The following CDK12 variants were observed in gnomAD, a reference collection of about 807,000 sequenced individuals.
The protein encoded by CDK12 is cyclin dependent kinase 12, also known as cyclin-dependent kinase 12.
Under a neutral mutation model 133.8 loss-of-function variants are expected in CDK12, and 17 were observed. The ratio of observed to expected loss-of-function variants is 0.13; its 90% CI spans 0.09 to 0.19. The LOEUF is 0.19. Ranked by LOEUF, CDK12 falls within the 10% of genes least tolerant of loss-of-function variation. CDK12 has a pLI of 1.00. For synonymous variants in CDK12, 694 were observed against 683.6 expected (o/e 1.02, Z -0.24); for missense variants, 1,508 against 1,818.7 (o/e 0.83, Z 3.11).
intron 2 of CDK12, among the ~76,000 whole-genome samples, chr17:39,480,973 G>T (rs1413197335): frequency 6.6e-6 from 1 of 152,110 alleles, no homozygotes; most frequent in African/African-American, 2.4e-5. Context: ...CAGTTAACCA[G>T]CCGGGAGTGG....
chr17:39,521,460 A>G (rs1242838729), intron 11 of CDK12, among the ~76,000 whole-genome samples: 2 of 151,894 alleles, frequency 1.3e-5, no homozygotes, highest in African/African-American at 4.8e-5. Context: ...ACAGGGTTTC[A>G]TCACGTTGGC....
intron 5 of CDK12, among the ~76,000 whole-genome samples, chr17:39,500,364 G>C (rs941863712): frequency 6.6e-5 from 10 of 152,066 alleles, no homozygotes; most frequent in Non-Finnish European, 1.0e-4. Flanking sequence ...TGGGCGCGGT[G>C]GCTGACGCCT....
intron 2 of CDK12, among the ~76,000 whole-genome samples, chr17:39,473,700 T>TA (rs2049972675): frequency 6.6e-6 from 1 of 152,000 alleles, no homozygotes; most frequent in Admixed American, 6.6e-5. Flanking sequence ...ACCAGCCTGA[T>TA]ATGGTGAAAC....
chr17:39,543,172 C>T (rs1034326215), upstream of CDK12, among the ~76,000 whole-genome samples: 8 of 152,200 alleles, frequency 5.3e-5, no homozygotes, highest in African/African-American at 1.9e-4. Flanking sequence ...TCTGAGATTA[C>T]AGGAAAATGG....
At chr17:39,481,028 C>T (rs8064766) in intron 2 of CDK12, among the ~76,000 whole-genome samples, 16 of 151,968 alleles carry the variant, frequency 1.1e-4, no homozygotes, top group Non-Finnish European at 2.2e-4. Context: ...CCGAGGCCGG[C>T]GGATCACCTG....
At chr17:39,498,277 T>C (rs2052297650) in intron 5 of CDK12, among the ~76,000 whole-genome samples, 1 of 151,972 alleles carries the variant, frequency 6.6e-6, no homozygotes, top group Non-Finnish European at 1.5e-5. Flanking sequence ...CAGGCTGGAG[T>C]GCAGTGGTGT....
intron 13 of CDK12, chr17:39,530,027 G>C (rs1028336768): frequency 6.6e-6 from 1 of 152,140 alleles, no homozygotes; most frequent in African/African-American, 2.4e-5. Flanking sequence ...ACTAAAGTTT[G>C]GAGAAGCAAG....
chr17:39,462,914 G>A lies in CDK12; in HGVS notation c.843G>A (p.Glu281=). 6.2e-7 allele frequency: 1 copy of A among 1,614,176 alleles called. No individual in the cohort carries two copies. ...RRQSVSPPYK[E]PSAYQSSTRS... is the part of the protein sequence containing the mutation. ...AGTCGGTCAGTCCCCCTTACAAGGA[G>A]CCTTCGGCCTACCAGTCCAGCACCC... Residue 281 remains glutamate (E), a synonymous_variant, in exon 1 of 14, where the codon GAG becomes GAA. Transcript: ENST00000447079.
chr17:39,481,265 G>GA (rs71147344), intron 2 of CDK12, among the ~76,000 whole-genome samples: 4 of 129,816 alleles, frequency 3.1e-5, no homozygotes, highest in African/African-American at 5.9e-5. Flanking sequence ...AAAAAAAAAA[G>GA]AAAAAAAAAA....
At chr17:39,502,547 A>G (rs554077317) in intron 6 of CDK12, among the ~76,000 whole-genome samples, 3 of 152,334 alleles carry the variant, frequency 2.0e-5, no homozygotes, top group African/African-American at 2.4e-5. Flanking sequence ...CCAATCTTGC[A>G]TGGTTACCTG....
intron 2 of CDK12, among the ~76,000 whole-genome samples, chr17:39,479,209 G>T (rs1248367090): frequency 2.0e-5 from 3 of 150,606 alleles, no homozygotes; most frequent in Non-Finnish European, 4.4e-5. Context: ...TCGGGAGGCT[G>T]AGGCAGGAGA....
At chr17:39,567,210 G>A (rs2056600225), downstream of CDK12, 1 of 152,146 alleles carries the variant, frequency 6.6e-6, no homozygotes, top group African/African-American at 2.4e-5. Flanking sequence ...CTCCTCCTTT[G>A]ATTCTCTGAT....
At chr17:39,519,298 CTTTTTTTTTT>C (rs386386050) in intron 10 of CDK12, among the ~76,000 whole-genome samples, 3 of 53,976 alleles carry the variant, frequency 5.6e-5, no homozygotes, top group Admixed American at 5.8e-4. Flanking sequence ...AATTCAAAGA[CTTTTTTTTTT>C]TTTTTTTTTT....
chr17:39,470,170 C>T (rs1164322261), intron 1 of CDK12, among the ~76,000 whole-genome samples: 4 of 145,432 alleles, frequency 2.8e-5, no homozygotes, highest in East Asian at 2.1e-4. Flanking sequence ...CTCACTCTGT[C>T]GCCCAGGCTG....
chr17:39,481,563 G>A (rs2050649676), intron 2 of CDK12, among the ~76,000 whole-genome samples: 1 of 149,948 alleles, frequency 6.7e-6, no homozygotes, highest in South Asian at 2.1e-4. Flanking sequence ...GCCCACCTTG[G>A]TCTTCCAAAG....
intron 6 of CDK12, among the ~76,000 whole-genome samples, chr17:39,503,913 C>A (rs1310658574): frequency 2.0e-5 from 3 of 152,150 alleles, no homozygotes; most frequent in African/African-American, 7.2e-5. Context: ...CACAGTCAAT[C>A]TTCTGTTTTG....
At position 39,492,805 on chromosome 17, in the gene CDK12, A is replaced by G. The variant is rs1265863241; in HGVS notation, c.2163A>G (p.Lys721=). 4 of 1,613,502 alleles carry G rather than the reference A, an allele frequency of 2.5e-6. No individual in the cohort carries two copies. Among genetic ancestry groups the G allele is most frequent in the Non-Finnish European group, 3.4e-6 (4 of 1,179,578 alleles). Residue 721 remains lysine, a synonymous_variant, in exon 4 of 14, where the codon AAA becomes AAG. Coordinates refer to ENST00000447079, the MANE Select transcript of CDK12 (RefSeq NM_016507.4). ...ERRQTESDWG[K]RCVDKFDIIG... is the part of the protein sequence containing the mutation. ...GACAAACAGAAAGCGACTGGGGGAAACGCTGTGTGGACAAGTTTGACATTA... is the reference window on the plus strand; with the variant it reads ...GACAAACAGAAAGCGACTGGGGGAAGCGCTGTGTGGACAAGTTTGACATTA...
chr17:39,562,571 C>T (rs2056411016), intron 3 of CDK12, among the ~76,000 whole-genome samples: 1 of 152,180 alleles, frequency 6.6e-6, no homozygotes, highest in South Asian at 2.1e-4. Context: ...TCCTCTCTCT[C>T]TCAGCAAGTT....
At chr17:39,507,933 A>C (rs2053236987) in intron 6 of CDK12, among the ~76,000 whole-genome samples, 1 of 152,194 alleles carries the variant, frequency 6.6e-6, no homozygotes. Flanking sequence ...GATTTAATGT[A>C]GAAGTTTGTT....
Sources: allele counts gnomAD v4.1 joint callset (sites outside exome capture counted in the v4.1 genomes callset), GRCh38; gene constraint gnomAD v4.1.1; transcripts MANE v1.5; gene names NCBI Gene and HGNC (gene_info 2026-07-23, HGNC 2026-07-21).